Variants in ATG9A observed in about 807,000 individuals in gnomAD.
ATG9A encodes autophagy-related protein 9A.
ATG9A carries 21 observed loss-of-function variants against 87.1 expected under a neutral mutation model. That is an observed-to-expected ratio of 0.24 (90% CI 0.17 to 0.35). The LOEUF (loss-of-function observed/expected upper bound fraction) is 0.35. Among genes scored for constraint, ATG9A ranks in the 10% least tolerant of loss-of-function variants. The pLI, the probability that ATG9A is intolerant of heterozygous loss-of-function variation, is 1.00. For missense variants in ATG9A, 836 were observed against 1,107.3 expected, an observed-to-expected ratio of 0.76 and a Z score of 3.48; for synonymous variants, 422 against 441.3, an observed-to-expected ratio of 0.96 and a Z score of 0.55.
chr2:219,223,610 T>C lies in ATG9A; in HGVS notation c.1574A>G (p.Asp525Gly). Reference protein sequence around the residue: ...VGDTCSFAQMDVRQHGHPQWL... With the variant: ...VGDTCSFAQMGVRQHGHPQWL... ...CTGGGGATGACCATGCTGGCGAACATCCATCTGAGCAAAGGAGCAGGTATC... is the reference window on the plus strand; with the variant it reads ...CTGGGGATGACCATGCTGGCGAACACCCATCTGAGCAAAGGAGCAGGTATC... The change falls in exon 10 of 16, where the codon GAT becomes GGT. Residue 525 changes from aspartate to glycine, a missense_variant. Coordinates refer to ENST00000361242, the MANE Select transcript of ATG9A (RefSeq NM_001077198.3). The surrounding 1 kb of genome is among the most constrained non-coding windows in gnomAD (Gnocchi z 4.7). 1 of 1,610,650 alleles carries C rather than the reference T, an allele frequency of 6.2e-7. No homozygotes were observed.
intron 2 of ATG9A, 80 bp from the exon 3 acceptor site, chr2:219,228,133 G>A: frequency 1.0e-6 from 1 of 971,154 alleles, no homozygotes; most frequent in Non-Finnish European, 1.5e-6. Context: ...GCCAAAAGGA[G>A]AAAGTACCCT....
At chr2:219,221,425 A>C in intron 13 of ATG9A, 123 bp from the exon 14 acceptor site, 1 of 874,376 alleles carries the variant, frequency 1.1e-6, no homozygotes. Context: ...GCCTCAGAGC[A>C]CCTATTATGT....
At position 219,220,348 on chromosome 2, in the gene ATG9A, C is replaced by CACT; in HGVS notation, c.*98_*99insAGT. On this transcript the variant is annotated 3_prime_UTR_variant, in exon 16 of 16. Transcript: ENST00000361242. ...ACACACAAACACCACACACGTGGGG[C>CACT]CAGGGAACACTCAGAGGAGCCGTCC... 1 of 1,485,062 alleles carries CACT rather than the reference C, an allele frequency of 6.7e-7. No homozygotes were observed. Among genetic ancestry groups the CACT allele is most frequent in the Non-Finnish European group, 9.3e-7 (1 of 1,072,772 alleles). The allele number at this position is 1,485,062 out of a possible 1,614,324, so 92.0% of individuals were successfully genotyped here.
rs948001711 is a variant in ATG9A, at chr2:219,219,948, G to A, written c.*499C>T. 2 of 175,872 alleles carry A rather than the reference G, an allele frequency of 1.1e-5. No homozygotes were observed. The highest frequency in any genetic ancestry group is 1.2e-5 in the Non-Finnish European group (1 of 81,698). The allele number at this position is 175,872 out of a possible 1,614,324, so 10.9% of individuals were successfully genotyped here. ...AGTGATGTGCAAGAAGCGGAGAGAG[G>A]TGAGCCGGCTGCAGCACTGGGCGAG... On this transcript the variant is annotated 3_prime_UTR_variant, in exon 16 of 16. Coordinates refer to ENST00000361242, the MANE Select transcript of ATG9A (RefSeq NM_001077198.3).
Position 219,222,503 on chromosome 2 carries a change from G to A in ATG9A, c.1849-53C>T. ...CTTGAGGCAAGAGAAAGGTCTCTGGGGTCCCCTAGTATTCTGTATCTCAGG... is the reference window on the plus strand; with the variant it reads ...CTTGAGGCAAGAGAAAGGTCTCTGGAGTCCCCTAGTATTCTGTATCTCAGG... On this transcript the variant is annotated intron_variant, in intron 11 of 15. Transcript: ENST00000361242. The surrounding 1 kb of genome is among the most constrained non-coding windows in gnomAD (Gnocchi z 4.3). 3 of 1,546,894 alleles carry A rather than the reference G, an allele frequency of 1.9e-6. No homozygotes were observed. Among genetic ancestry groups the A allele is most frequent in the Non-Finnish European group, 2.6e-6 (3 of 1,146,790 alleles).
chr2:219,220,199 C>T lies in ATG9A; in HGVS notation c.*248G>A. 1.9e-6 allele frequency: 1 copy of T among 528,124 alleles called. No individual in the cohort carries two copies. The highest frequency in any genetic ancestry group is 3.4e-6 in the Non-Finnish European group (1 of 294,246). The allele number at this position is 528,124 out of a possible 1,614,324, so 32.7% of individuals were successfully genotyped here. On this transcript the variant is annotated 3_prime_UTR_variant, in exon 16 of 16. Transcript: ENST00000361242. ...CTGGGGGCCAGTTTCTAGCACCACA[C>T]TCTGAGCCAAGGGGGTCCTGGGGAT...
In ATG9A at chr2:219,220,218, T is replaced by C. The variant is rs1317826292; in HGVS notation, c.*229A>G. On this transcript the variant is annotated 3_prime_UTR_variant, in exon 16 of 16. Transcript: ENST00000361242. ...ACCACACTCTGAGCCAAGGGGGTCC[T>C]GGGGATGAGGCTAGAGTCCCGTGTG... is the stretch of plus-strand genomic sequence containing the variant. The C allele has an allele frequency of 1.8e-5, 10 of 552,708 alleles. No individual in the cohort carries two copies. Among genetic ancestry groups the C allele is most frequent in the Admixed American group, 9.2e-5 (3 of 32,694 alleles). The allele number at this position is 552,708 out of a possible 1,614,324, so 34.2% of individuals were successfully genotyped here. A position where few individuals can be genotyped will look rare whatever the true frequency, so the allele number is the denominator to read the frequency against.
In ATG9A at chr2:219,222,446, A is replaced by G; in HGVS notation, c.1853T>C (p.Leu618Pro). 6.4e-7 allele frequency: 1 copy of G among 1,562,098 alleles called. No individual in the cohort carries two copies. Among genetic ancestry groups the G allele is most frequent in the Non-Finnish European group, 8.7e-7 (1 of 1,155,560 alleles). The change falls in exon 12 of 16, where the codon CTG (leucine) becomes CCG (proline). Residue 618 changes from leucine to proline, a missense_variant. By Grantham distance (98) the Leu-to-Pro change is moderately conservative (BLOSUM62 -3). Transcript: ENST00000361242. The surrounding 1 kb of genome is among the most constrained non-coding windows in gnomAD (Gnocchi z 4.3). ...AGCTACCACATTTGCGATAAGGCTCAGGGGCTATGAACGAAACGGGTAGGT... is the reference window on the plus strand; with the variant it reads ...AGCTACCACATTTGCGATAAGGCTCGGGGGCTATGAACGAAACGGGTAGGT... ...IQSLQSESEPLSLIANVVAGS... is the reference protein window; with the variant it reads ...IQSLQSESEPPSLIANVVAGS...
In ATG9A at chr2:219,223,724, G is replaced by A; in HGVS notation, c.1460C>T (p.Pro487Leu). 6.2e-7 allele frequency: 1 copy of A among 1,613,514 alleles called. No individual in the cohort carries two copies. Among genetic ancestry groups the A allele is most frequent in the Non-Finnish European group, 8.5e-7 (1 of 1,179,828 alleles). Residue 487 changes from proline (P) to leucine (L), a missense_variant, in exon 10 of 16, where the codon CCC (proline) becomes CTC (leucine). Coordinates refer to ENST00000361242, the MANE Select transcript of ATG9A (RefSeq NM_001077198.3). This position sits in a 1 kb window ranked among gnomAD's most constrained non-coding sequence, Gnocchi z 4.7. ...LEELLSPIVT[P>L]LILIFCLRPR... is the part of the protein sequence containing the mutation. ...GCGCAGGCAGAAGATGAGGATGAGG[G>A]GTGTGACAATGGGGCTCAGCAACTC... is the stretch of plus-strand genomic sequence containing the variant.
At chr2:219,220,638 C>T in intron 15 of ATG9A, 109 bp downstream of exon 15, 3 of 1,508,870 alleles carry the variant, frequency 2.0e-6, no homozygotes, top group Non-Finnish European at 2.7e-6. Flanking sequence ...AGGGAGGGTA[C>T]AGTATCTCTG....
chr2:219,223,753 CA>C lies in ATG9A; in HGVS notation c.1430del (p.Leu477TrpfsTer5). 6.2e-7 allele frequency: 1 copy of C among 1,612,874 alleles called. No homozygotes were observed. Among genetic ancestry groups the C allele is most frequent in the Non-Finnish European group, 8.5e-7 (1 of 1,179,364 alleles). On this transcript the variant is annotated frameshift_variant, in exon 10 of 16. Transcript: ENST00000361242. LOFTEE classifies it high-confidence loss of function. This position sits in a 1 kb window ranked among gnomAD's most constrained non-coding sequence, Gnocchi z 4.7. ...QLFQYKAVFILEELLSPIVTP... is the reference protein window; with the variant it reads ...QLFQYKAVFIXEELLSPIVTP... ...TGACAATGGGGCTCAGCAACTCTTCCAAAATGAACACCTAAAAGGGCGGGAC... is the reference window on the plus strand; with the variant it reads ...TGACAATGGGGCTCAGCAACTCTTCCAAATGAACACCTAAAAGGGCGGGAC...
At chr2:219,226,752 A>T in intron 5 of ATG9A, 117 bp downstream of exon 5, 1 of 925,112 alleles carries the variant, frequency 1.1e-6, no homozygotes, top group Non-Finnish European at 1.8e-6. Context: ...ACAAAGGTTT[A>T]CGGAGTTTTA....
At chr2:219,221,995 G>A (rs765784423) in intron 13 of ATG9A, 55 bp downstream of exon 13, 36 of 1,503,952 alleles carry the variant, frequency 2.4e-5, no homozygotes, top group Middle Eastern at 2.0e-4. Flanking sequence ...TTGGAACCCC[G>A]GTCTTGCTTC....
At chr2:219,227,655 G>C in intron 4 of ATG9A, 115 bp downstream of exon 4, 1 of 1,237,238 alleles carries the variant, frequency 8.1e-7, no homozygotes, top group Non-Finnish European at 1.2e-6. Flanking sequence ...CTCAGGATGA[G>C]CTCCATTCCC....
intron 5 of ATG9A, 59 bp from the exon 6 acceptor site, chr2:219,225,631 A>T: frequency 6.4e-7 from 1 of 1,568,454 alleles, no homozygotes; most frequent in Non-Finnish European, 8.7e-7. Context: ...AGTGAAACCC[A>T]GTGGGAAGAG....
At chr2:219,226,459 C>T (rs965460673) in intron 5 of ATG9A, among the ~76,000 whole-genome samples, 3 of 152,032 alleles carry the variant, frequency 2.0e-5, no homozygotes, top group African/African-American at 7.2e-5. Context: ...TTGAGGCGGG[C>T]AGATAACCCG....
At position 219,222,920 on chromosome 2, in the gene ATG9A, G is replaced by C; in HGVS notation, c.1600-27C>G. On this transcript the variant is annotated intron_variant, in intron 10 of 15. Transcript: ENST00000361242. This position sits in a 1 kb window ranked among gnomAD's most constrained non-coding sequence, Gnocchi z 4.3. Reference sequence around the variant, plus strand: ...TGCACAAGGAAGAGCAGAGTAAGCAGGGCTGTTCTCTTCCAGGAGCCTTCC... The same window carrying C: ...TGCACAAGGAAGAGCAGAGTAAGCACGGCTGTTCTCTTCCAGGAGCCTTCC... The C allele has an allele frequency of 1.9e-6, 3 of 1,611,712 alleles. No individual in the cohort carries two copies. The highest frequency in any genetic ancestry group is 2.5e-6 in the Non-Finnish European group (3 of 1,178,752).
rs781113831 is a variant in ATG9A at position 219,220,878 on chromosome 2, G to A, written c.2383C>T (p.Pro795Ser). Residue 795 changes from proline to serine, a missense_variant, in exon 15 of 16, where the codon CCC becomes TCC. Around this residue, in one of 2 missense-constraint regions of ATG9A, gnomAD observed 324 missense variants for 347.6 expected, o/e 0.93. Transcript: ENST00000361242. ...YGGITDPGTV[P>S]RVPSHFSRLP... The stretch of plus-strand genomic sequence containing the variant: ...CGAGAGAAATGAGAGGGAACCCTGG[G>A]CACTGTGCCAGGATCTGGAGAGACA... 1 of 1,613,284 alleles carries A rather than the reference G, an allele frequency of 6.2e-7. No individual in the cohort carries two copies. Among genetic ancestry groups the A allele is most frequent in the Non-Finnish European group, 8.5e-7 (1 of 1,179,928 alleles).
chr2:219,220,655 G>T, intron 15 of ATG9A, 92 bp downstream of exon 15: 1 of 1,525,480 alleles, frequency 6.6e-7, no homozygotes, highest in Non-Finnish European at 9.0e-7. Context: ...TCTGTGTGGG[G>T]GTGGGGCATA....
Sources: gnomAD v4.1 joint callset for allele counts (sites outside exome capture counted in the v4.1 genomes callset) on GRCh38, gnomAD v4.1.1 for gene constraint, gnomAD v4.1.1 regional missense constraint, Gnocchi (gnomAD v3.1) non-coding constraint, MANE v1.5 for transcripts, NCBI Gene and HGNC (gene_info 2026-07-23, HGNC 2026-07-21) for gene names.